SLC4A4: variants seen among roughly 807,000 people sequenced by gnomAD.
SLC4A4 encodes the protein electrogenic sodium bicarbonate cotransporter 1.
In SLC4A4, 27 loss-of-function variants were observed where a neutral mutation model predicts 111.5. That is an observed-to-expected ratio of 0.24 (90% confidence interval 0.18 to 0.33). The LOEUF is 0.33. SLC4A4 is among the 10% of genes least tolerant of loss of function. The pLI, the probability that SLC4A4 is intolerant of heterozygous loss-of-function variation, is 1.00. For synonymous variants in SLC4A4, 443 were observed against 463.4 expected (o/e 0.96, Z 0.57); for missense variants, 909 against 1,315.5 (o/e 0.69, Z 4.78).
rs570675960 is a variant in SLC4A4 at position 71,085,765 on chromosome 4, A to G, written c.-64-6965A>G. On this transcript the variant is annotated intron_variant, in intron 1 of 26. Transcript: ENST00000649996. ...GCTCTGTTCTGTTCCATTGGTCTAT[A>G]TCTGTTTTGGTACCAATACCATGCT... is the stretch of plus-strand genomic sequence containing the variant. Among the ~76,000 whole-genome samples, 99 of 151,164 alleles carry G rather than the reference A, an allele frequency of 6.5e-4. 1 individual carries two copies. The highest frequency in any genetic ancestry group is 2.3e-3 in the African/African-American group (96 of 41,246).
At chr4:71,087,657 T>C (rs1167941934) in intron 1 of SLC4A4, among the ~76,000 whole-genome samples, 3 of 152,206 alleles carry the variant, frequency 2.0e-5, no homozygotes, top group Middle Eastern at 3.4e-3. Context: ...TTCATTTTGT[T>C]ATGTACCCAG....
Position 71,486,855 on chromosome 4 carries a change from G to A in SLC4A4, c.1904-93G>A, listed in dbSNP as rs1729447264. ...TGTTGTTATTAAAGACATTTTTACT[G>A]TATAACCCTGCTTTTAAAAATACCT... On this transcript the variant is annotated intron_variant, in intron 14 of 25. Coordinates refer to ENST00000264485, the MANE Select transcript of SLC4A4 (RefSeq NM_001098484.3). 3 of 658,476 alleles carry A rather than the reference G, an allele frequency of 4.6e-6. No individual in the cohort carries two copies. In the Admixed American group the frequency reaches 7.1e-5, roughly 16 times the overall value. 40.8% of individuals were successfully genotyped at this position (658,476 alleles called of 1,614,324 possible).
rs552650231 is a variant in SLC4A4 at position 71,284,825 on chromosome 4, G to C, written c.253+29426G>C. ...CATTTTGGGTTCTGCTGATTATTTT[G>C]AGCTTTATGTTGTCCCCTGGTTACC... On this transcript the variant is annotated intron_variant, in intron 3 of 25. Transcript: ENST00000264485. Among the ~76,000 whole-genome samples, 22 of 152,128 alleles carry C rather than the reference G, an allele frequency of 1.4e-4. No homozygotes were observed. The South Asian group carries it at 4.4e-3, about 30-fold the overall frequency.
rs757206401 is a variant in SLC4A4, at chr4:71,532,190, A to G, written c.2280+15A>G. 2.9e-6 allele frequency: 4 copies of G among 1,382,350 alleles called. No homozygotes were observed. The African/African-American group carries it at 4.3e-5, about 15-fold the overall frequency. 85.6% of individuals were successfully genotyped at this position (1,382,350 alleles called of 1,614,324 possible). On this transcript the variant is annotated intron_variant, in intron 17 of 25. Coordinates refer to ENST00000264485, the MANE Select transcript of SLC4A4 (RefSeq NM_001098484.3). ...GTGAGTTCAAGGTAGGTGAATGTCT[A>G]TCTTTTGGTCATTCCTGGAACTCTT...
At chr4:71,395,722 C>T (rs1161811568) in intron 6 of SLC4A4, among the ~76,000 whole-genome samples, 2 of 152,152 alleles carry the variant, frequency 1.3e-5, no homozygotes, top group African/African-American at 4.8e-5. Context: ...TATAGCAAAT[C>T]AATGACTTTA....
At chr4:71,235,032 T>G (rs1719708247) in intron 1 of SLC4A4, among the ~76,000 whole-genome samples, 1 of 152,208 alleles carries the variant, frequency 6.6e-6, no homozygotes, top group African/African-American at 2.4e-5. Flanking sequence ...CTGCACTGTG[T>G]GCTTTTAGGT....
At chr4:71,527,166 T>C (rs1324973787) in intron 16 of SLC4A4, among the ~76,000 whole-genome samples, 1 of 152,104 alleles carries the variant, frequency 6.6e-6, no homozygotes, top group Non-Finnish European at 1.5e-5. Context: ...ACTTAAATTT[T>C]AAGATGAGTA....
chr4:71,336,142 T>C (rs1403529311), intron 3 of SLC4A4, among the ~76,000 whole-genome samples: 1 of 152,202 alleles, frequency 6.6e-6, no homozygotes, highest in Non-Finnish European at 1.5e-5. Context: ...ATGAGTGAAT[T>C]GTAAACACTT....
chr4:71,568,435 G>A lies in SLC4A4; in HGVS notation c.*684G>A, dbSNP rs1737688505. The stretch of plus-strand genomic sequence containing the variant: ...TTATCAAAAGAAGAAAAAACTGAAG[G>A]TACTTTACTCCCTATAGAGAAACCA... On this transcript the variant is annotated 3_prime_UTR_variant, in exon 26 of 26. Transcript: ENST00000264485. The A allele has an allele frequency of 6.6e-6, 1 of 152,172 alleles. No homozygotes were observed. The highest frequency in any genetic ancestry group is 1.5e-5 in the Non-Finnish European group (1 of 67,892). 9.4% of individuals were successfully genotyped at this position (152,172 alleles called of 1,614,324 possible).
At chr4:71,388,083 G>A (rs767069420) in intron 6 of SLC4A4, among the ~76,000 whole-genome samples, 12 of 152,140 alleles carry the variant, frequency 7.9e-5, no homozygotes, top group South Asian at 6.2e-4. Flanking sequence ...ATGTTACACC[G>A]TTGATAGGTT....
At chr4:71,258,070 C>A (rs1280737946) in intron 3 of SLC4A4, among the ~76,000 whole-genome samples, 5 of 152,186 alleles carry the variant, frequency 3.3e-5, no homozygotes, top group Admixed American at 2.0e-4. Context: ...TCATGTCCTT[C>A]CTCTGCTGAA....
chr4:71,363,070 G>A (rs1730940568), intron 6 of SLC4A4, among the ~76,000 whole-genome samples: 1 of 152,166 alleles, frequency 6.6e-6, no homozygotes, highest in African/African-American at 2.4e-5. Flanking sequence ...TTATCTGCCA[G>A]GTGGGATGCC....
chr4:71,304,939 G>A (rs1270302719), intron 3 of SLC4A4, among the ~76,000 whole-genome samples: 2 of 152,150 alleles, frequency 1.3e-5, no homozygotes, highest in African/African-American at 2.4e-5. Context: ...TGTTTTAATA[G>A]CACTGCAATT....
intron 1 of SLC4A4, among the ~76,000 whole-genome samples, chr4:71,219,202 C>T (rs952774378): frequency 2.6e-5 from 4 of 152,144 alleles, no homozygotes; most frequent in African/African-American, 4.8e-5. Context: ...GGCCTCTTGC[C>T]GCAATCGTTA....
At chr4:71,487,858 A>G (rs978822158) in intron 15 of SLC4A4, among the ~76,000 whole-genome samples, 3 of 151,432 alleles carry the variant, frequency 2.0e-5, no homozygotes, top group African/African-American at 4.8e-5. Flanking sequence ...TTGTTTTTAT[A>G]TTCTGTGGCT....
intron 23 of SLC4A4, 92 bp downstream of exon 23, chr4:71,560,346 G>C (rs1434392762): frequency 7.3e-7 from 1 of 1,373,840 alleles, no homozygotes; most frequent in Non-Finnish European, 1.0e-6. Context: ...ATGGAGGGCT[G>C]AGTTCTAAGA....
intron 2 of SLC4A4, among the ~76,000 whole-genome samples, chr4:71,109,502 C>G (rs576168525): frequency 3.7e-4 from 56 of 152,036 alleles, no homozygotes; most frequent in Non-Finnish European, 7.1e-4. Context: ...GCTCAGGTCC[C>G]TGATATTTGG....
chr4:71,231,614 T>C (rs951890517), intron 1 of SLC4A4, among the ~76,000 whole-genome samples: 3 of 152,194 alleles, frequency 2.0e-5, no homozygotes, highest in Non-Finnish European at 4.4e-5. Context: ...TGAGTGGATT[T>C]TATACTGACT....
chr4:71,138,842 C>T (rs1008414176), intron 2 of SLC4A4, among the ~76,000 whole-genome samples: 3 of 151,910 alleles, frequency 2.0e-5, no homozygotes, highest in Non-Finnish European at 2.9e-5. Flanking sequence ...TGAGACCATT[C>T]TGCCTAACAC....
Sources: gnomAD v4.1 joint callset for allele counts (sites outside exome capture counted in the v4.1 genomes callset) on GRCh38, gnomAD v4.1.1 for gene constraint, MANE v1.5 for transcripts, NCBI Gene and HGNC (gene_info 2026-07-23, HGNC 2026-07-21) for gene names.